Variants in SUPT20H observed in about 807,000 individuals in gnomAD.
SUPT20H encodes SPT20 homolog, SAGA complex component.
Under a neutral mutation model 122.8 loss-of-function variants are expected in SUPT20H, and 82 were observed. The ratio of observed to expected loss-of-function variants is 0.67; its 90% CI spans 0.56 to 0.80. The LOEUF is 0.80. Ranked by LOEUF, SUPT20H falls within the 30% of genes least tolerant of loss-of-function variation. The pLI, the probability that SUPT20H is intolerant of heterozygous loss-of-function variation, is 0.00. For synonymous variants in SUPT20H, 291 were observed against 313.0 expected (o/e 0.93, Z 0.74); for missense variants, 831 against 921.6 (o/e 0.90, Z 1.27).
chr13:37,026,044 C>T (rs1594101591), intron 16 of SUPT20H, 160 bp downstream of exon 16: 2 of 492,156 alleles, frequency 4.1e-6, no homozygotes, highest in South Asian at 4.6e-5. Flanking sequence ...TGTCCAATGC[C>T]CTAATTTTAC....
In SUPT20H at chr13:37,022,202, A is replaced by C. The variant is rs1321128863; in HGVS notation, c.1592-122T>G. 2 of 1,601,388 alleles carry C rather than the reference A, an allele frequency of 1.2e-6. No individual in the cohort carries two copies. The highest frequency in any genetic ancestry group is 1.7e-6 in the Non-Finnish European group (2 of 1,173,182). On this transcript the variant is annotated intron_variant, in intron 19 of 25. Transcript: ENST00000350612. This position sits in a 1 kb window ranked among gnomAD's most constrained non-coding sequence, Gnocchi z 4.5. ...AAGTGGGCTGAGGGGTGAAGCCTGAATCTTGGGGAGTAGGGGTGGCTGAAG... is the reference window on the plus strand; with the variant it reads ...AAGTGGGCTGAGGGGTGAAGCCTGACTCTTGGGGAGTAGGGGTGGCTGAAG...
chr13:37,053,521 TG>T (rs1198284238), intron 1 of SUPT20H, among the ~76,000 whole-genome samples: 3 of 130,984 alleles, frequency 2.3e-5, no homozygotes, highest in Non-Finnish European at 5.0e-5. Context: ...TGGGGCCTGT[TG>T]GGGGGTTGGG....
At chr13:37,049,531 G>C (rs756711575) in intron 2 of SUPT20H, among the ~76,000 whole-genome samples, 3 of 152,112 alleles carry the variant, frequency 2.0e-5, no homozygotes, top group Non-Finnish European at 4.4e-5. Context: ...CCTGAGGTAA[G>C]GAGTTCAAGA....
chr13:37,050,325 T>A (rs2067389502), intron 2 of SUPT20H, among the ~76,000 whole-genome samples: 1 of 120,152 alleles, frequency 8.3e-6, no homozygotes, highest in African/African-American at 3.2e-5. Context: ...GCCTGGACAA[T>A]ATAGTGAGAT....
At chr13:37,041,815 C>A (rs572740371) in intron 7 of SUPT20H, among the ~76,000 whole-genome samples, 1 of 152,192 alleles carries the variant, frequency 6.6e-6, no homozygotes, top group South Asian at 2.1e-4. Context: ...GGAAGACAGG[C>A]AATAAACATG....
chr13:37,053,433 A>G (rs2139322444), intron 1 of SUPT20H, among the ~76,000 whole-genome samples: 1 of 152,028 alleles, frequency 6.6e-6, no homozygotes, highest in Non-Finnish European at 1.5e-5. Context: ...ACAGAAAACC[A>G]CACATCACAT....
chr13:37,042,639 A>G (rs1357739133), intron 7 of SUPT20H, among the ~76,000 whole-genome samples: 1 of 149,566 alleles, frequency 6.7e-6, no homozygotes, highest in Non-Finnish European at 1.5e-5. Context: ...GAGAACAGAA[A>G]AGTGACCAAT....
At chr13:37,023,975 T>C (rs964858155) in intron 19 of SUPT20H, 60 bp downstream of exon 19, 5 of 1,530,548 alleles carry the variant, frequency 3.3e-6, no homozygotes, top group Non-Finnish European at 4.4e-6. Context: ...AAAGCTGTCT[T>C]AAGAAACACT....
intron 9 of SUPT20H, chr13:37,038,760 C>A (rs1339289614): frequency 6.6e-6 from 1 of 152,104 alleles, no homozygotes; most frequent in East Asian, 1.9e-4. Flanking sequence ...AAACTTTTTG[C>A]ACCAAAATAA....
intron 2 of SUPT20H, 65 bp from the exon 3 acceptor site, chr13:37,048,664 T>A: frequency 7.1e-7 from 1 of 1,402,284 alleles, no homozygotes; most frequent in Non-Finnish European, 9.8e-7. Context: ...TAATATACAT[T>A]TAACATTTCT....
At chr13:37,028,089 G>A in intron 14 of SUPT20H, 59 bp downstream of exon 14, 1 of 1,465,976 alleles carries the variant, frequency 6.8e-7, no homozygotes, top group South Asian at 1.4e-5. Context: ...GTAGTTACTA[G>A]ATAAATTCTT....
chr13:37,042,810 A>C (rs2065744937), intron 7 of SUPT20H, among the ~76,000 whole-genome samples: 1 of 152,216 alleles, frequency 6.6e-6, no homozygotes, highest in Non-Finnish European at 1.5e-5. Flanking sequence ...TAACAAGAGC[A>C]GTAGTTGGAG....
intron 1 of SUPT20H, among the ~76,000 whole-genome samples, chr13:37,058,188 C>T (rs1221805126): frequency 6.6e-6 from 1 of 151,904 alleles, no homozygotes; most frequent in Non-Finnish European, 1.5e-5. Flanking sequence ...ATGGCTTGAA[C>T]TGGGAGGCAG....
At chr13:37,029,859 A>G in intron 12 of SUPT20H, 23 bp from the exon 13 acceptor site, 2 of 1,553,582 alleles carry the variant, frequency 1.3e-6, no homozygotes, top group Non-Finnish European at 1.8e-6. Context: ...ATCAAGAAAT[A>G]CCACATAAAA....
At chr13:37,055,918 C>T (rs542401435) in intron 1 of SUPT20H, among the ~76,000 whole-genome samples, 1 of 152,186 alleles carries the variant, frequency 6.6e-6, no homozygotes, top group South Asian at 2.1e-4. Flanking sequence ...AACAAACTTC[C>T]AAGGAAAAAA....
chr13:37,043,121 A>G (rs969231395), intron 7 of SUPT20H, among the ~76,000 whole-genome samples: 1 of 152,220 alleles, frequency 6.6e-6, no homozygotes, highest in Non-Finnish European at 1.5e-5. Context: ...AGAAATAGAA[A>G]AAAAGAGAGG....
intron 7 of SUPT20H, among the ~76,000 whole-genome samples, chr13:37,042,714 T>C (rs1488637827): frequency 1.3e-5 from 2 of 152,156 alleles, no homozygotes; most frequent in Non-Finnish European, 2.9e-5. Flanking sequence ...GATGTCATGA[T>C]GCCAAATGAG....
intron 9 of SUPT20H, among the ~76,000 whole-genome samples, chr13:37,035,393 T>C (rs144942354): frequency 1.3e-5 from 2 of 152,228 alleles, no homozygotes; most frequent in African/African-American, 4.8e-5. Context: ...GGACAAGAAA[T>C]CACTGCAGAT....
chr13:37,030,079 C>T (rs1444445533), intron 12 of SUPT20H, among the ~76,000 whole-genome samples: 6 of 152,174 alleles, frequency 3.9e-5, no homozygotes, highest in Non-Finnish European at 2.9e-5. Context: ...AACACAGCTG[C>T]TTTTCTAGAC....
Sources: gnomAD v4.1 joint callset for allele counts (sites outside exome capture counted in the v4.1 genomes callset) on GRCh38, gnomAD v4.1.1 for gene constraint, Gnocchi (gnomAD v3.1) non-coding constraint, MANE v1.5 for transcripts, NCBI Gene and HGNC (gene_info 2026-07-23, HGNC 2026-07-21) for gene names.